The following PHF24 variants were observed in gnomAD, a reference collection of about 807,000 sequenced individuals.
PHF24 encodes PHD finger protein 24.
Under a neutral mutation model 42.6 loss-of-function variants are expected in PHF24, and 25 were observed. The ratio of observed to expected loss-of-function variants is 0.59; its 90% CI spans 0.43 to 0.82. PHF24 has a LOEUF of 0.82. Among genes scored for constraint, PHF24 ranks in the 40% least tolerant of loss-of-function variants. The pLI, the probability that PHF24 is intolerant of heterozygous loss-of-function variation, is 0.00. For missense variants in PHF24, 470 were observed against 538.1 expected, an observed-to-expected ratio of 0.87 and a Z score of 1.25; for synonymous variants, 185 against 204.8, an observed-to-expected ratio of 0.90 and a Z score of 0.83.
At chr9:34,792,563 A>G in the PHF24 span, among the ~76,000 whole-genome samples, 2 of 152,074 alleles carry the variant, frequency 1.3e-5, no homozygotes, top group Non-Finnish European at 2.9e-5. Flanking sequence ...CCAGCTACTC[A>G]GGAAGGCTGA....
chr9:34,688,153 A>G, the PHF24 span, among the ~76,000 whole-genome samples: 8 of 151,930 alleles, frequency 5.3e-5, no homozygotes, highest in Non-Finnish European at 1.2e-4. Flanking sequence ...CTCCCTCACC[A>G]TTTCTCCCTT....
At chr9:34,734,403 G>A in the PHF24 span, among the ~76,000 whole-genome samples, 1 of 152,196 alleles carries the variant, frequency 6.6e-6, no homozygotes, top group Non-Finnish European at 1.5e-5. Flanking sequence ...AAGAAAGACT[G>A]GGGGTAGTGT....
At chr9:34,891,114 C>T in the PHF24 span, among the ~76,000 whole-genome samples, 5,414 of 152,254 alleles carry the variant, frequency 0.036, 300 homozygotes, top group African/African-American at 0.12. Flanking sequence ...TCAGTGGCTT[C>T]CTGGGACAGG....
the PHF24 span, among the ~76,000 whole-genome samples, chr9:34,778,210 G>T: frequency 1.3e-5 from 2 of 152,080 alleles, no homozygotes; most frequent in Non-Finnish European, 2.9e-5. Context: ...AGGAACAGAA[G>T]AATAAGAAAG....
At chr9:34,973,411 C>T (rs982191290) in intron 3 of PHF24, among the ~76,000 whole-genome samples, 3 of 152,184 alleles carry the variant, frequency 2.0e-5, no homozygotes, top group Non-Finnish European at 2.9e-5. Flanking sequence ...TGATTCAGAA[C>T]TTCGCAAATT....
chr9:34,689,774 A>C, the PHF24 span: 1 of 1,612,644 alleles, frequency 6.2e-7, no homozygotes, highest in Non-Finnish European at 8.5e-7. The surrounding 1 kb of genome is among the most constrained non-coding windows in gnomAD (Gnocchi z 4.1). Context: ...GTAATAATTC[A>C]CAATGCTTGA....
chr9:34,961,368 G>C (rs1314245347), intron 1 of PHF24, among the ~76,000 whole-genome samples: 1 of 152,188 alleles, frequency 6.6e-6, no homozygotes, highest in East Asian at 1.9e-4. Context: ...AAGACCATCA[G>C]TGTCCAGCTG....
the PHF24 span, chr9:34,665,653 C>T: frequency 4.3e-6 from 3 of 701,292 alleles, no homozygotes; most frequent in Non-Finnish European, 7.8e-6. Flanking sequence ...CTCCTCATTC[C>T]CGACATGTCC....
the PHF24 span, chr9:34,834,753 C>T: frequency 4.5e-6 from 7 of 1,541,428 alleles, no homozygotes; most frequent in Admixed American, 5.9e-5. Flanking sequence ...TCATACTCAG[C>T]CAGAGTCAGA....
At chr9:34,858,772 T>C in the PHF24 span, among the ~76,000 whole-genome samples, 1 of 152,256 alleles carries the variant, frequency 6.6e-6, no homozygotes, top group African/African-American at 2.4e-5. Flanking sequence ...CTTTGTCTAG[T>C]AAGTCTAATT....
the PHF24 span, among the ~76,000 whole-genome samples, chr9:34,927,968 A>G: frequency 6.6e-6 from 1 of 152,174 alleles, no homozygotes; most frequent in African/African-American, 2.4e-5. Context: ...AGGTGGGGAT[A>G]GTTAATGGAT....
At chr9:34,976,850 T>C (rs946768265) in intron 5 of PHF24, 110 bp downstream of exon 5, 3 of 1,020,074 alleles carry the variant, frequency 2.9e-6, no homozygotes, top group African/African-American at 3.2e-5. Flanking sequence ...GGGACAAGTA[T>C]CAGGAATGGG....
chr9:34,757,967 A>G, the PHF24 span, among the ~76,000 whole-genome samples: 7 of 151,940 alleles, frequency 4.6e-5, no homozygotes, highest in Non-Finnish European at 8.8e-5. Context: ...TCCATGGGCT[A>G]TTTCTCAGGA....
chr9:34,750,723 A>G, the PHF24 span, among the ~76,000 whole-genome samples: 1 of 152,086 alleles, frequency 6.6e-6, no homozygotes, highest in African/African-American at 2.4e-5. Flanking sequence ...ACAGGAAGCA[A>G]GAAATTAAAA....
chr9:34,709,389 C>A, the PHF24 span: 2 of 1,606,772 alleles, frequency 1.2e-6, no homozygotes, highest in Non-Finnish European at 1.7e-6. Context: ...AGGCTGCTCA[C>A]TGGGCTATGG....
At chr9:34,710,096 G>T in the PHF24 span, 2 of 1,603,592 alleles carry the variant, frequency 1.2e-6, no homozygotes, top group South Asian at 1.1e-5. Flanking sequence ...TAAGAGGCCA[G>T]AGCTGAGGGT....
chr9:34,917,348 T>G, the PHF24 span: 2 of 822,188 alleles, frequency 2.4e-6, no homozygotes, highest in African/African-American at 3.3e-5. Flanking sequence ...AAGAGTTGCC[T>G]GAGGGGAATT....
chr9:34,971,454 C>G (rs1826978240), exon 2 of PHF24: 1 of 1,614,010 alleles, frequency 6.2e-7, no homozygotes, highest in African/African-American at 1.3e-5. Flanking sequence ...AGGGCTCCGT[C>G]CAGGAGGTAC....
the PHF24 span, among the ~76,000 whole-genome samples, chr9:34,891,563 A>G: frequency 1.3e-5 from 2 of 152,220 alleles, no homozygotes; most frequent in African/African-American, 4.8e-5. Context: ...ATTGGTCATC[A>G]GGTCACAGGA....
Sources: gnomAD v4.1 joint callset for allele counts (sites outside exome capture counted in the v4.1 genomes callset) on GRCh38, gnomAD v4.1.1 for gene constraint, Gnocchi (gnomAD v3.1) non-coding constraint, MANE v1.5 for transcripts, NCBI Gene and HGNC (gene_info 2026-07-23, HGNC 2026-07-21) for gene names.